NUDCD1: variants seen among roughly 807,000 people sequenced by gnomAD.
NUDCD1 encodes NudC domain containing 1, also known as nudC domain-containing protein 1.
A neutral mutation model predicts 67.8 loss-of-function variants in NUDCD1; 60 were observed. That is an observed-to-expected ratio of 0.88 (90% CI 0.72 to 1.10). NUDCD1 has a LOEUF of 1.10. Ranked by LOEUF, NUDCD1 falls within the 50% of genes least tolerant of loss-of-function variation. The pLI, the probability that NUDCD1 is intolerant of heterozygous loss-of-function variation, is 0.00. For missense variants in NUDCD1, 643 were observed against 695.0 expected (o/e 0.93, Z 0.84); for synonymous variants, 244 against 230.8 (o/e 1.06, Z -0.52).
At chr8:109,327,999 T>C (rs537150355) in intron 1 of NUDCD1, among the ~76,000 whole-genome samples, 4 of 152,330 alleles carry the variant, frequency 2.6e-5, no homozygotes, top group Admixed American at 6.5e-5. Flanking sequence ...AAAATATACA[T>C]TGAATAACTT....
chr8:109,264,926 TA>T (rs992991491), intron 8 of NUDCD1, among the ~76,000 whole-genome samples: 167 of 151,958 alleles, frequency 1.1e-3, no homozygotes, highest in African/African-American at 3.7e-3. Context: ...GTTATTATTT[TA>T]AAATGAATAT....
At chr8:109,269,947 A>C (rs1315825655) in intron 8 of NUDCD1, among the ~76,000 whole-genome samples, 1 of 22,378 alleles carries the variant, frequency 4.5e-5, no homozygotes, top group Non-Finnish European at 7.0e-5. Flanking sequence ...TTCTAAATTA[A>C]AAAAAAAAAA....
intron 5 of NUDCD1, among the ~76,000 whole-genome samples, chr8:109,288,322 G>A (rs1484361659): frequency 6.6e-6 from 1 of 152,148 alleles, no homozygotes; most frequent in Non-Finnish European, 1.5e-5. Context: ...CGGTTCCAAA[G>A]ATTAAGGCAA....
intron 5 of NUDCD1, among the ~76,000 whole-genome samples, chr8:109,284,857 C>T (rs1283843553): frequency 6.6e-6 from 1 of 150,532 alleles, no homozygotes; most frequent in Non-Finnish European, 1.5e-5. Context: ...AATATGCAAA[C>T]AATGAATCCA....
chr8:109,333,819 T>G, intron 1 of NUDCD1, 74 bp downstream of exon 1: 1 of 1,493,848 alleles, frequency 6.7e-7, no homozygotes. Flanking sequence ...AAGAAAGAAA[T>G]TGCGGGAAGG....
At chr8:109,331,203 C>A (rs1255497473) in intron 1 of NUDCD1, among the ~76,000 whole-genome samples, 1 of 152,042 alleles carries the variant, frequency 6.6e-6, no homozygotes, top group Non-Finnish European at 1.5e-5. Context: ...GGCTTGGTGG[C>A]GGGCACTTGT....
At position 109,289,850 on chromosome 8, in the gene NUDCD1, T is replaced by C. The variant is rs760582710; in HGVS notation, c.724A>G (p.Asn242Asp). 3.2e-6 allele frequency: 5 copies of C among 1,562,712 alleles called. No individual in the cohort carries two copies. The highest frequency in any genetic ancestry group is 2.4e-5 in the East Asian group (1 of 42,122). Residue 242 changes from asparagine to aspartate, a missense_variant, in exon 5 of 10, where the codon AAT becomes GAT. By Grantham distance (23) the Asn-to-Asp change is conservative. Coordinates refer to ENST00000239690, the MANE Select transcript of NUDCD1 (RefSeq NM_032869.4). ...TTGTAGGATACAATCATTAGACCATTTCCATCAGGCTCAATAGCAGCATAA... is the reference window on the plus strand; with the variant it reads ...TTGTAGGATACAATCATTAGACCATCTCCATCAGGCTCAATAGCAGCATAA... ...PHYAAIEPDG[N>D]GLMIVSYKSL...
chr8:109,276,382 C>T (rs577201017), intron 6 of NUDCD1, among the ~76,000 whole-genome samples: 1 of 152,268 alleles, frequency 6.6e-6, no homozygotes, highest in Non-Finnish European at 1.5e-5. Flanking sequence ...ACAAAGCAAC[C>T]TTTTCCATGT....
chr8:109,306,993 T>C (rs371775364), intron 2 of NUDCD1, among the ~76,000 whole-genome samples: 30 of 152,204 alleles, frequency 2.0e-4, no homozygotes, highest in South Asian at 1.0e-3. Context: ...GCTTCACCAC[T>C]ATTTTGTTTT....
chr8:109,304,976 C>T (rs928536900), intron 2 of NUDCD1, among the ~76,000 whole-genome samples: 2 of 152,158 alleles, frequency 1.3e-5, no homozygotes, highest in African/African-American at 2.4e-5. Context: ...TCTATTCTGT[C>T]GTCATTTCAT....
At chr8:109,331,994 C>T (rs189200641) in intron 1 of NUDCD1, among the ~76,000 whole-genome samples, 4 of 152,288 alleles carry the variant, frequency 2.6e-5, no homozygotes, top group Admixed American at 6.5e-5. Context: ...CTAATTATTT[C>T]CCTTTCCTCA....
chr8:109,316,798 C>T (rs1394315194), intron 2 of NUDCD1, among the ~76,000 whole-genome samples: 2 of 152,186 alleles, frequency 1.3e-5, no homozygotes, highest in African/African-American at 4.8e-5. Flanking sequence ...GTTCCCAGTC[C>T]ATGACCAACC....
At chr8:109,317,293 A>G (rs1488703589) in intron 2 of NUDCD1, among the ~76,000 whole-genome samples, 2 of 152,150 alleles carry the variant, frequency 1.3e-5, no homozygotes, top group East Asian at 3.9e-4. Flanking sequence ...AGGCAGGCGG[A>G]TCTCTGGAGC....
chr8:109,252,660 T>C (rs1170350915), intron 8 of NUDCD1, among the ~76,000 whole-genome samples: 1 of 152,180 alleles, frequency 6.6e-6, no homozygotes, highest in Admixed American at 6.5e-5. Flanking sequence ...AATCTGTTAG[T>C]TGAATCCTTC....
intron 3 of NUDCD1, 60 bp from the exon 4 acceptor site, chr8:109,293,584 T>G (rs974211237): frequency 1.2e-6 from 1 of 850,396 alleles, no homozygotes; most frequent in African/African-American, 1.8e-5. Flanking sequence ...ACAGATAGCA[T>G]AGAGGGAATA....
chr8:109,311,203 C>T (rs1283334265), intron 2 of NUDCD1, among the ~76,000 whole-genome samples: 1 of 152,122 alleles, frequency 6.6e-6, no homozygotes. Flanking sequence ...AAATGCAAAT[C>T]AAAACTACAA....
At chr8:109,306,845 C>A (rs1815119304) in intron 2 of NUDCD1, among the ~76,000 whole-genome samples, 1 of 152,012 alleles carries the variant, frequency 6.6e-6, no homozygotes, top group African/African-American at 2.4e-5. Flanking sequence ...TCACCCCTTA[C>A]CCCAACAAAA....
At chr8:109,270,090 A>AGGGGGGGGGGGGGGGGGGGGGGGGGGGGG (rs1563665962) in intron 8 of NUDCD1, among the ~76,000 whole-genome samples, 1 of 7,612 alleles carries the variant, frequency 1.3e-4, no homozygotes, top group African/African-American at 5.6e-4. Flanking sequence ...GGGTGCCTTA[A>AGGGGGGGGGGGGGGGGGGGGGGGGGGGGG]GGTGGGGTGT....
chr8:109,314,837 A>G (rs1370315841), intron 2 of NUDCD1, among the ~76,000 whole-genome samples: 2 of 152,130 alleles, frequency 1.3e-5, no homozygotes, highest in Non-Finnish European at 2.9e-5. Flanking sequence ...AAACATCTTT[A>G]AACACATTTT....
Sources: allele counts gnomAD v4.1 joint callset (sites outside exome capture counted in the v4.1 genomes callset), GRCh38; gene constraint gnomAD v4.1.1; transcripts MANE v1.5; gene names NCBI Gene and HGNC (gene_info 2026-07-23, HGNC 2026-07-21).